RSRC1: variants seen among roughly 807,000 people sequenced by gnomAD.
RSRC1 encodes arginine and serine rich coiled-coil 1.
Under a neutral mutation model 49.1 loss-of-function variants are expected in RSRC1, and 39 were observed. The observed-to-expected ratio is 0.79, with a 90% CI of 0.61 to 1.04. The LOEUF is 1.04. Among genes scored for constraint, RSRC1 ranks in the 50% least tolerant of loss-of-function variants. RSRC1 has a pLI of 0.00. For missense variants in RSRC1, 388 were observed against 402.4 expected (o/e 0.96, Z 0.31); for synonymous variants, 143 against 130.8 (o/e 1.09, Z -0.63).
intron 6 of RSRC1, among the ~76,000 whole-genome samples, chr3:158,422,832 G>A (rs1578457035): frequency 6.7e-6 from 1 of 149,650 alleles, no homozygotes; most frequent in East Asian, 1.9e-4. Context: ...GCCAGTGATG[G>A]TGAGCATTTT....
intron 5 of RSRC1, among the ~76,000 whole-genome samples, chr3:158,350,038 T>G (rs977992341): frequency 6.6e-6 from 1 of 151,686 alleles, no homozygotes; most frequent in Non-Finnish European, 1.5e-5. Context: ...ACACTACCAT[T>G]TATGTTTTAA....
At chr3:158,252,161 T>G (rs1724248542) in intron 4 of RSRC1, among the ~76,000 whole-genome samples, 1 of 104,764 alleles carries the variant, frequency 9.5e-6, no homozygotes, top group Non-Finnish European at 1.9e-5. Context: ...TGATGAATGA[T>G]TTTTTTTTTT....
chr3:158,288,211 C>T lies in RSRC1; in HGVS notation c.495-9828C>T, dbSNP rs187876536. Among the ~76,000 whole-genome samples the T allele has an allele frequency of 3.5e-4, 54 of 152,276 alleles. 5 individuals are homozygous for T. The South Asian group carries it at 0.011, about 30-fold the overall frequency. On this transcript the variant is annotated intron_variant, in intron 4 of 9. Coordinates refer to ENST00000611884, the MANE Select transcript of RSRC1 (RefSeq NM_001271838.2). ...GCTGGACCTTTGAGCTCACTCTTCG[C>T]GCCTCCTCTTTTCTATGTACTCAGT...
At chr3:158,116,233 T>A (rs1468650693) in intron 1 of RSRC1, among the ~76,000 whole-genome samples, 1 of 152,212 alleles carries the variant, frequency 6.6e-6, no homozygotes, top group South Asian at 2.1e-4. Context: ...ACTCTTTTCC[T>A]TGAAATGGAA....
chr3:158,544,435 A>C lies in RSRC1; in HGVS notation c.*160A>C. On this transcript the variant is annotated 3_prime_UTR_variant, in exon 10 of 10. Transcript: ENST00000611884. Reference sequence around the variant, plus strand: ...TCTCATGTAGGCTTGAATATTTGTTAATTTGAATTAAATCAAACATTGTAA... The same window carrying C: ...TCTCATGTAGGCTTGAATATTTGTTCATTTGAATTAAATCAAACATTGTAA... 2.3e-6 allele frequency: 1 copy of C among 426,704 alleles called. No homozygotes were observed. The highest frequency in any genetic ancestry group is 4.1e-5 in the Admixed American group (1 of 24,396). 26.4% of individuals were successfully genotyped at this position (426,704 alleles called of 1,614,324 possible).
rs150380353 is a variant in RSRC1 at position 158,143,034 on chromosome 3, T to C, written c.320+19043T>C. ...TTTCCAATACAGGTATTTAAAAAAG[T>C]AATCTACTTGAGGCCTTTGTTAAGG... On this transcript the variant is annotated intron_variant, in intron 3 of 9. Transcript: ENST00000611884. Among the ~76,000 whole-genome samples the C allele has an allele frequency of 1.3e-3, 193 of 152,300 alleles. 1 individual carries two copies. Among genetic ancestry groups the C allele is most frequent in the African/African-American group, 4.5e-3 (185 of 41,556 alleles).
In RSRC1 at chr3:158,485,150, T is replaced by C. The variant is rs998140657; in HGVS notation, c.652+24147T>C. ...AAAGATTCTAATTATTTTCTCCTGG[T>C]AACCTAAGAATGAAGATTGTAGGCT... On this transcript the variant is annotated intron_variant, in intron 7 of 9. Transcript: ENST00000611884. 1.1e-4 allele frequency among the ~76,000 whole-genome samples: 17 copies of C among 152,212 alleles called. No homozygotes were observed. The East Asian group carries it at 3.1e-3, about 28-fold the overall frequency.
intron 5 of RSRC1, among the ~76,000 whole-genome samples, chr3:158,335,359 C>T (rs1729826440): frequency 6.6e-6 from 1 of 152,050 alleles, no homozygotes; most frequent in South Asian, 2.1e-4. Context: ...GAGGAAAATG[C>T]AGGGCCTAGT....
intron 4 of RSRC1, among the ~76,000 whole-genome samples, chr3:158,203,602 G>C (rs1230548467): frequency 2.6e-5 from 4 of 152,108 alleles, no homozygotes; most frequent in Non-Finnish European, 4.4e-5. Flanking sequence ...CTTAAAATTT[G>C]TAGACTACTT....
At chr3:158,192,167 A>C (rs1425382967) in intron 3 of RSRC1, among the ~76,000 whole-genome samples, 7 of 152,092 alleles carry the variant, frequency 4.6e-5, no homozygotes, top group Admixed American at 4.6e-4. Context: ...ATTAAGACAT[A>C]GAGGGCAGGG....
intron 4 of RSRC1, among the ~76,000 whole-genome samples, chr3:158,250,370 A>G (rs1176156568): frequency 6.6e-6 from 1 of 152,128 alleles, no homozygotes; most frequent in Non-Finnish European, 1.5e-5. Flanking sequence ...TTCTATTTTT[A>G]GTTTTATGAG....
intron 7 of RSRC1, among the ~76,000 whole-genome samples, chr3:158,512,822 G>C (rs1405247616): frequency 6.6e-6 from 1 of 150,760 alleles, no homozygotes. Flanking sequence ...CCTTGAAGAG[G>C]TCCTTCACAT....
chr3:158,178,495 T>C (rs1472006943), intron 3 of RSRC1, among the ~76,000 whole-genome samples: 1 of 152,218 alleles, frequency 6.6e-6, no homozygotes, highest in African/African-American at 2.4e-5. Context: ...CAGGGATTTA[T>C]CAATTTTTAA....
rs1736807267 is a variant in RSRC1 at position 158,447,897 on chromosome 3, T to A, written c.584-13038T>A. ...GGTATATAATTAATTATTTCTGGAT[T>A]TTCGTTCTTATTTTTAAAAAGATTG... On this transcript the variant is annotated intron_variant, in intron 6 of 9. Transcript: ENST00000611884. 2.6e-5 allele frequency among the ~76,000 whole-genome samples: 4 copies of A among 151,902 alleles called. No individual in the cohort carries two copies. In the South Asian group the frequency reaches 8.3e-4, roughly 31 times the overall value.
rs1553769118 is a variant in RSRC1 at position 158,207,637 on chromosome 3, T to TTAGATAGA, written c.494+4413_494+4420dup. On this transcript the variant is annotated intron_variant, in intron 4 of 9. Transcript: ENST00000611884. The stretch of plus-strand genomic sequence containing the variant: ...AACCTATGTGCAAAAGTAACAGTAT[T>TTAGATAGA]TAGATAGATAGATAGATAGATAGAT... Among the ~76,000 whole-genome samples, 340 of 147,130 alleles carry TTAGATAGA rather than the reference T, an allele frequency of 2.3e-3. 1 individual carries two copies. Among genetic ancestry groups the TTAGATAGA allele is most frequent in the African/African-American group, 7.3e-3 (294 of 40,088 alleles).
chr3:158,385,845 T>C (rs1732940138), intron 6 of RSRC1, among the ~76,000 whole-genome samples: 1 of 152,178 alleles, frequency 6.6e-6, no homozygotes, highest in Non-Finnish European at 1.5e-5. Flanking sequence ...AATTAAGAAA[T>C]TAAATGAAGC....
intron 6 of RSRC1, among the ~76,000 whole-genome samples, chr3:158,367,529 T>G (rs146686046): frequency 0.016 from 2,451 of 152,264 alleles, 63 homozygotes; most frequent in African/African-American, 0.056. Context: ...GTTGCTGGAT[T>G]CAGTTTGCCA....
At chr3:158,377,456 GTTCGCATGAGAT>G (rs1222630286) in intron 6 of RSRC1, among the ~76,000 whole-genome samples, 4 of 152,004 alleles carry the variant, frequency 2.6e-5, no homozygotes, top group African/African-American at 9.7e-5. Flanking sequence ...CTTGCTCTGA[GTTCGCATGAGAT>G]TTGGTTGTTT....
At chr3:158,275,503 C>A (rs1725754959) in intron 4 of RSRC1, among the ~76,000 whole-genome samples, 1 of 152,176 alleles carries the variant, frequency 6.6e-6, no homozygotes. Context: ...CCAGACAAAT[C>A]TACAGAGCTA....
Sources: gnomAD v4.1 joint callset for allele counts (sites outside exome capture counted in the v4.1 genomes callset) on GRCh38, gnomAD v4.1.1 for gene constraint, MANE v1.5 for transcripts, NCBI Gene and HGNC (gene_info 2026-07-23, HGNC 2026-07-21) for gene names.